Variants in TDRD3 observed in about 807,000 individuals in gnomAD.
The protein encoded by TDRD3 is tudor domain containing 3.
A neutral mutation model predicts 86.7 loss-of-function variants in TDRD3; 45 were observed. The ratio of observed to expected loss-of-function variants is 0.52; its 90% confidence interval spans 0.41 to 0.67. TDRD3 has a LOEUF of 0.67. TDRD3 is among the 30% of genes least tolerant of loss of function. The pLI, the probability that TDRD3 is intolerant of heterozygous loss-of-function variation, is 0.00. For missense variants in TDRD3, 814 were observed against 889.0 expected (o/e 0.92, Z 1.07); for synonymous variants, 298 against 301.7 (o/e 0.99, Z 0.13).
intron 12 of TDRD3, among the ~76,000 whole-genome samples, chr13:60,549,963 T>C (rs1322907838): frequency 6.6e-6 from 1 of 152,122 alleles, no homozygotes; most frequent in Non-Finnish European, 1.5e-5. Context: ...ATAATTAATT[T>C]GTAAACTACC....
chr13:60,466,338 A>G (rs925587011), intron 4 of TDRD3, among the ~76,000 whole-genome samples: 1 of 152,190 alleles, frequency 6.6e-6, no homozygotes, highest in Non-Finnish European at 1.5e-5. Context: ...AAAAATGTCA[A>G]ATCTTATATA....
intron 3 of TDRD3, among the ~76,000 whole-genome samples, chr13:60,448,199 G>C (rs1404729648): frequency 6.6e-6 from 1 of 152,102 alleles, no homozygotes; most frequent in Non-Finnish European, 1.5e-5. Context: ...TGATAGATCT[G>C]TCATCAGGTA....
At chr13:60,410,100 C>T (rs1049149020) in intron 1 of TDRD3, among the ~76,000 whole-genome samples, 2 of 152,126 alleles carry the variant, frequency 1.3e-5, no homozygotes, top group Non-Finnish European at 2.9e-5. Flanking sequence ...CTCTTGCCAT[C>T]GCCATGAAAG....
At chr13:60,509,436 C>T (rs1957010231) in intron 8 of TDRD3, 3 of 185,598 alleles carry the variant, frequency 1.6e-5, no homozygotes, top group East Asian at 1.4e-4. Context: ...CATTTTTTAC[C>T]ATGAAAAATT....
intron 2 of TDRD3, among the ~76,000 whole-genome samples, chr13:60,443,087 T>C (rs1035522992): frequency 2.0e-5 from 3 of 152,016 alleles, no homozygotes; most frequent in South Asian, 2.1e-4. Flanking sequence ...ATTATTGATA[T>C]GATGGTTATG....
intron 5 of TDRD3, among the ~76,000 whole-genome samples, chr13:60,476,475 G>A (rs75153779): frequency 0.01 from 1,582 of 152,192 alleles, 8 homozygotes; most frequent in Non-Finnish European, 0.018. Context: ...TTGTAGCCTT[G>A]TAGTATAGTT....
At chr13:60,450,818 G>A (rs997500741) in intron 3 of TDRD3, among the ~76,000 whole-genome samples, 5 of 152,120 alleles carry the variant, frequency 3.3e-5, no homozygotes, top group Admixed American at 6.6e-5. Flanking sequence ...AGCTGTTTCA[G>A]TTTAGTGAGG....
intron 7 of TDRD3, among the ~76,000 whole-genome samples, chr13:60,493,378 T>C (rs1246923781): frequency 6.6e-6 from 1 of 152,142 alleles, no homozygotes; most frequent in Admixed American, 6.5e-5. Flanking sequence ...TATAAAAATA[T>C]TTGCCAGGCA....
chr13:60,567,844 T>A (rs963304724), intron 13 of TDRD3, among the ~76,000 whole-genome samples, 194 bp downstream of exon 13: 4 of 151,908 alleles, frequency 2.6e-5, no homozygotes, highest in Non-Finnish European at 5.9e-5. Flanking sequence ...CTGCCTCAGC[T>A]TCCCGAGTAG....
At chr13:60,465,062 A>G (rs1317232716) in intron 4 of TDRD3, among the ~76,000 whole-genome samples, 1 of 152,162 alleles carries the variant, frequency 6.6e-6, no homozygotes, top group African/African-American at 2.4e-5. Flanking sequence ...CCCCCAAAAT[A>G]TGTATAATTA....
At chr13:60,397,205 G>T, upstream of TDRD3, 1 of 425,366 alleles carries the variant, frequency 2.4e-6, no homozygotes, top group Non-Finnish European at 4.1e-6. Context: ...ACCCGCACGC[G>T]GAAGCGCCGG....
intron 1 of TDRD3, among the ~76,000 whole-genome samples, chr13:60,431,138 A>C (rs1954944485): frequency 6.6e-6 from 1 of 152,092 alleles, no homozygotes; most frequent in Non-Finnish European, 1.5e-5. Context: ...CTTTATATCA[A>C]ACACAAATTC....
At chr13:60,429,273 A>C (rs1057009719) in intron 1 of TDRD3, among the ~76,000 whole-genome samples, 2 of 152,086 alleles carry the variant, frequency 1.3e-5, no homozygotes, top group African/African-American at 4.8e-5. Flanking sequence ...TCGTTATGCT[A>C]TTAGATTGTA....
At chr13:60,425,984 T>G (rs1218389497) in intron 1 of TDRD3, among the ~76,000 whole-genome samples, 1 of 152,170 alleles carries the variant, frequency 6.6e-6, no homozygotes. Flanking sequence ...AGTAGTTAAG[T>G]TTTTAGGGAG....
In TDRD3 at chr13:60,486,762, A is replaced by G. The variant is rs1956447802; in HGVS notation, c.717+814A>G. Among the ~76,000 whole-genome samples, 3 of 152,260 alleles carry G rather than the reference A, an allele frequency of 2.0e-5. No homozygotes were observed. In the South Asian group the frequency reaches 6.2e-4, roughly 32 times the overall value. ...TAATCAACCTCTCCCACTGTCCCTT[A>G]ACGTTCACCCTTCCCAGCCTCTAGT... On this transcript the variant is annotated intron_variant, in intron 7 of 13. Coordinates refer to ENST00000377881, the MANE Select transcript of TDRD3 (RefSeq NM_001146070.2).
intron 1 of TDRD3, among the ~76,000 whole-genome samples, chr13:60,408,365 TGGAAGC>T (rs1954283534): frequency 6.6e-6 from 1 of 152,190 alleles, no homozygotes; most frequent in Non-Finnish European, 1.5e-5. Context: ...CCCAAAAATG[TGGAAGC>T]AGCTTTAGAA....
chr13:60,522,523 C>T (rs925284618), intron 10 of TDRD3, among the ~76,000 whole-genome samples: 9 of 152,260 alleles, frequency 5.9e-5, no homozygotes, highest in Non-Finnish European at 1.0e-4. Flanking sequence ...GAGGTATGCT[C>T]TATTATTACC....
chr13:60,413,856 A>G (rs182981826), intron 1 of TDRD3, among the ~76,000 whole-genome samples: 4 of 152,250 alleles, frequency 2.6e-5, no homozygotes. Flanking sequence ...TATAAATATT[A>G]GTGTCTCAAA....
intron 12 of TDRD3, among the ~76,000 whole-genome samples, chr13:60,554,784 T>C (rs1159165335): frequency 6.6e-6 from 1 of 152,172 alleles, no homozygotes; most frequent in Admixed American, 6.5e-5. Flanking sequence ...TGATCATACA[T>C]TTATTATGTT....
Sources: allele counts gnomAD v4.1 joint callset (sites outside exome capture counted in the v4.1 genomes callset), GRCh38; gene constraint gnomAD v4.1.1; transcripts MANE v1.5; gene names NCBI Gene and HGNC (gene_info 2026-07-23, HGNC 2026-07-21).